NKAIN2: variants seen among roughly 807,000 people sequenced by gnomAD.
NKAIN2 encodes sodium/potassium transporting ATPase interacting 2, also known as sodium/potassium-transporting ATPase subunit beta-1-interacting protein 2.
NKAIN2 carries 14 observed loss-of-function variants against 32.6 expected under a neutral mutation model. That is an observed-to-expected ratio of 0.43 (90% CI 0.28 to 0.67). The LOEUF is 0.67. Among genes scored for constraint, NKAIN2 ranks in the 30% least tolerant of loss-of-function variants. The probability of loss-of-function intolerance (pLI) is 0.17; values close to 1 mark genes in which losing one functional copy is unlikely to be tolerated. For missense variants in NKAIN2, 198 were observed against 258.3 expected, an observed-to-expected ratio of 0.77 and a Z score of 1.60; for synonymous variants, 80 against 87.2, an observed-to-expected ratio of 0.92 and a Z score of 0.46.
At chr6:124,617,122 G>C (rs907736216) in intron 3 of NKAIN2, among the ~76,000 whole-genome samples, 1 of 152,150 alleles carries the variant, frequency 6.6e-6, no homozygotes, top group Non-Finnish European at 1.5e-5. Context: ...TAAATAGGGA[G>C]AATAATATCT....
intron 1 of NKAIN2, among the ~76,000 whole-genome samples, chr6:123,904,854 G>C (rs1376423392): frequency 2.0e-5 from 3 of 152,176 alleles, no homozygotes; most frequent in South Asian, 2.1e-4. Flanking sequence ...GAACGAGTTG[G>C]TGTGGGCAGC....
At chr6:124,135,216 G>A (rs1288447132) in intron 1 of NKAIN2, among the ~76,000 whole-genome samples, 3 of 148,892 alleles carry the variant, frequency 2.0e-5, no homozygotes, top group Non-Finnish European at 1.5e-5. Flanking sequence ...ATTACACAAT[G>A]AAAAAAAAAA....
At chr6:124,295,277 G>A (rs1178034743) in intron 2 of NKAIN2, among the ~76,000 whole-genome samples, 1 of 147,498 alleles carries the variant, frequency 6.8e-6, no homozygotes, top group Non-Finnish European at 1.5e-5. Context: ...AAACCTTTGT[G>A]TCGTTTTCCT....
chr6:124,499,576 A>C (rs533711998), intron 3 of NKAIN2, among the ~76,000 whole-genome samples: 1 of 152,308 alleles, frequency 6.6e-6, no homozygotes, highest in Non-Finnish European at 1.5e-5. Flanking sequence ...TGGTAGGTGA[A>C]GGGTAGAACC....
intron 3 of NKAIN2, among the ~76,000 whole-genome samples, chr6:124,475,385 GT>G (rs199914033): frequency 3.9e-5 from 6 of 151,944 alleles, no homozygotes; most frequent in East Asian, 1.9e-4. Context: ...TAACATAACA[GT>G]TTTTTTTAAG....
intron 4 of NKAIN2, among the ~76,000 whole-genome samples, chr6:124,765,789 G>A (rs554842747): frequency 2.0e-5 from 3 of 152,182 alleles, no homozygotes; most frequent in Non-Finnish European, 4.4e-5. Context: ...TTAAACTATA[G>A]CACTACACAA....
chr6:123,899,570 T>G (rs1006631711), intron 1 of NKAIN2, among the ~76,000 whole-genome samples: 1 of 152,220 alleles, frequency 6.6e-6, no homozygotes, highest in Non-Finnish European at 1.5e-5. Flanking sequence ...GCAGATGTAA[T>G]CTTCACGCAC....
intron 3 of NKAIN2, among the ~76,000 whole-genome samples, chr6:124,416,845 C>A (rs541584359): frequency 2.2e-4 from 33 of 152,096 alleles, no homozygotes; most frequent in African/African-American, 7.7e-4. Context: ...GAACTCCACC[C>A]TCATCCATCA....
chr6:124,816,036 T>C (rs1781148217), intron 5 of NKAIN2, among the ~76,000 whole-genome samples: 1 of 152,206 alleles, frequency 6.6e-6, no homozygotes, highest in African/African-American at 2.4e-5. Context: ...GTCTCTGTTT[T>C]TGTCATTATG....
intron 4 of NKAIN2, among the ~76,000 whole-genome samples, chr6:124,725,757 C>A (rs556708151): frequency 7.2e-5 from 11 of 152,172 alleles, no homozygotes; most frequent in Non-Finnish European, 1.6e-4. Flanking sequence ...GTGTGAGCGA[C>A]GCAGAAGACG....
At chr6:124,375,174 A>G (rs1286446047) in intron 3 of NKAIN2, among the ~76,000 whole-genome samples, 1 of 151,880 alleles carries the variant, frequency 6.6e-6, no homozygotes, top group Non-Finnish European at 1.5e-5. Flanking sequence ...CACCTCCTCA[A>G]TAAGGTCTTC....
chr6:124,568,689 T>C (rs891076460), intron 3 of NKAIN2, among the ~76,000 whole-genome samples: 2 of 151,922 alleles, frequency 1.3e-5, no homozygotes, highest in African/African-American at 4.8e-5. Flanking sequence ...TCATTACAAA[T>C]GTAGGGTGGT....
At chr6:124,142,301 C>A (rs1582726976) in intron 1 of NKAIN2, among the ~76,000 whole-genome samples, 1 of 152,076 alleles carries the variant, frequency 6.6e-6, no homozygotes, top group Non-Finnish European at 1.5e-5. Flanking sequence ...GAATTCCTTT[C>A]GACTCCACAT....
intron 1 of NKAIN2, among the ~76,000 whole-genome samples, chr6:123,836,206 C>T (rs1011908763): frequency 6.6e-6 from 1 of 151,734 alleles, no homozygotes; most frequent in African/African-American, 2.4e-5. Flanking sequence ...ATCTTAATTC[C>T]CTACCCTTGA....
chr6:124,691,421 C>T (rs1163611261), intron 4 of NKAIN2, among the ~76,000 whole-genome samples: 2 of 152,120 alleles, frequency 1.3e-5, no homozygotes, highest in Admixed American at 1.3e-4. Context: ...TGTGTTTGCT[C>T]CCTGTCACTA....
chr6:124,409,506 T>G (rs994663105), intron 3 of NKAIN2, among the ~76,000 whole-genome samples: 10 of 152,174 alleles, frequency 6.6e-5, no homozygotes, highest in African/African-American at 1.4e-4. Flanking sequence ...TTATTGATTT[T>G]CCTATGTTGG....
intron 1 of NKAIN2, among the ~76,000 whole-genome samples, chr6:123,910,506 T>TTTTTTGTTTTTTTTTTTTTTG (rs1775122211): frequency 7.8e-6 from 1 of 127,468 alleles, no homozygotes; most frequent in African/African-American, 3.3e-5. Context: ...CATGTTTTTT[T>TTTTTTGTTTTTTTTTTTTTTG]TTTTTTTTTT....
At chr6:124,677,000 G>T (rs952735207) in intron 4 of NKAIN2, among the ~76,000 whole-genome samples, 1 of 151,924 alleles carries the variant, frequency 6.6e-6, no homozygotes, top group Non-Finnish European at 1.5e-5. Flanking sequence ...ACAGTGTCTC[G>T]CTCTGTCGCC....
intron 1 of NKAIN2, among the ~76,000 whole-genome samples, chr6:124,252,135 G>A (rs1217908042): frequency 2.0e-5 from 3 of 151,988 alleles, no homozygotes; most frequent in African/African-American, 7.2e-5. Flanking sequence ...CTCATGCGTG[G>A]TTCACATAGT....
Sources: allele counts gnomAD v4.1 joint callset (sites outside exome capture counted in the v4.1 genomes callset), GRCh38; gene constraint gnomAD v4.1.1; transcripts MANE v1.5; gene names NCBI Gene and HGNC (gene_info 2026-07-23, HGNC 2026-07-21).